Variants in UBE2R2 observed in about 807,000 individuals in gnomAD.
UBE2R2 encodes the protein ubiquitin conjugating enzyme E2 R2.
Under a neutral mutation model 27.8 loss-of-function variants are expected in UBE2R2, and 1 was observed. That is an observed-to-expected ratio of 0.04 (90% confidence interval 0.01 to 0.17). The LOEUF (loss-of-function observed/expected upper bound fraction) is 0.17. Ranked by LOEUF, UBE2R2 falls within the 10% of genes least tolerant of loss-of-function variation. The probability of loss-of-function intolerance (pLI) is 1.00; values close to 1 mark genes in which losing one functional copy is unlikely to be tolerated. For missense variants in UBE2R2, 100 were observed against 291.0 expected (o/e 0.34, Z 4.78); for synonymous variants, 106 against 113.3 (o/e 0.94, Z 0.41).
intron 1 of UBE2R2, among the ~76,000 whole-genome samples, chr9:33,853,961 G>T (rs1821035748): frequency 6.6e-6 from 1 of 152,106 alleles, no homozygotes; most frequent in Non-Finnish European, 1.5e-5. Flanking sequence ...CTCCCAAAGT[G>T]CTGGGATTAC....
At chr9:33,857,043 C>T (rs975601744) in intron 1 of UBE2R2, among the ~76,000 whole-genome samples, 1 of 151,044 alleles carries the variant, frequency 6.6e-6, no homozygotes, top group Non-Finnish European at 1.5e-5. Context: ...ATTACAGGCG[C>T]GTGCCACCAG....
At position 33,818,497 on chromosome 9, in the gene UBE2R2, G is replaced by C. The variant is rs1322822920; in HGVS notation, c.177+563G>C. On this transcript the variant is annotated intron_variant, in intron 1 of 4. Transcript: ENST00000263228. ...GTAGTGCCAACTTTGCATTCCAATG[G>C]GTGGTGGTGAAGAATGGGACCCTAG... The C allele has an allele frequency of 4.1e-5, 6 of 147,708 alleles. No homozygotes were observed. The South Asian group carries it at 1.3e-3, about 31-fold the overall frequency. 9.1% of individuals were successfully genotyped at this position (147,708 alleles called of 1,614,324 possible). A position where few individuals can be genotyped will look rare whatever the true frequency, so the allele number is the denominator to read the frequency against.
chr9:33,828,551 T>C (rs1401268054), intron 1 of UBE2R2, among the ~76,000 whole-genome samples: 1 of 151,250 alleles, frequency 6.6e-6, no homozygotes, highest in Admixed American at 6.6e-5. Flanking sequence ...ACCACCGGGC[T>C]AATTTTTGTT....
intron 1 of UBE2R2, among the ~76,000 whole-genome samples, chr9:33,861,847 CTTTTTTTTTT>C (rs775634986): frequency 1.4e-4 from 13 of 95,458 alleles, no homozygotes; most frequent in South Asian, 3.4e-4. Flanking sequence ...GATCCACTTT[CTTTTTTTTTT>C]TTTTTTTTTT....
intron 1 of UBE2R2, among the ~76,000 whole-genome samples, chr9:33,836,302 A>G (rs1463394894): frequency 6.6e-6 from 1 of 152,228 alleles, no homozygotes; most frequent in African/African-American, 2.4e-5. Flanking sequence ...CCATCTAGGT[A>G]CAAGTATACC....
intron 1 of UBE2R2, among the ~76,000 whole-genome samples, chr9:33,830,663 G>A (rs1384788838): frequency 6.6e-6 from 1 of 151,520 alleles, no homozygotes; most frequent in Non-Finnish European, 1.5e-5. Flanking sequence ...AGCCACTTGG[G>A]AGGCTGAGGC....
Position 33,859,799 on chromosome 9 carries a change from T to TGTGTGTGTGTGTGAGA in UBE2R2, c.178-27081_178-27080insTGTGTGTGTGTGAGAG, listed in dbSNP as rs766779268. Among the ~76,000 whole-genome samples, 6 of 86,520 alleles carry TGTGTGTGTGTGTGAGA rather than the reference T, an allele frequency of 6.9e-5. No individual in the cohort carries two copies. In the East Asian group the frequency reaches 9.4e-4, roughly 14 times the overall value. The allele number at this position is 86,520 out of a possible 152,430, so 56.8% of individuals were successfully genotyped here. A position where few individuals can be genotyped will look rare whatever the true frequency, so the allele number is the denominator to read the frequency against. The stretch of plus-strand genomic sequence containing the variant: ...GTGTGTGTGTGTGTGTGTGTGTGTG[T>TGTGTGTGTGTGTGAGA]GAGAGAGAGAGAGAGAGAGAGAGAC... On this transcript the variant is annotated intron_variant, in intron 1 of 4. Coordinates refer to ENST00000263228, the MANE Select transcript of UBE2R2 (RefSeq NM_017811.4).
chr9:33,856,215 C>T (rs1821097854), intron 1 of UBE2R2, among the ~76,000 whole-genome samples: 1 of 152,086 alleles, frequency 6.6e-6, no homozygotes, highest in South Asian at 2.1e-4. Flanking sequence ...CCCCACGTAG[C>T]CCTCCTACTC....
chr9:33,909,510 A>G (rs1822439941), intron 3 of UBE2R2, among the ~76,000 whole-genome samples: 1 of 152,138 alleles, frequency 6.6e-6, no homozygotes, highest in Admixed American at 6.6e-5. Flanking sequence ...TAAAAATTTA[A>G]AAGCACTGTT....
At chr9:33,892,133 T>C (rs751525036) in intron 2 of UBE2R2, among the ~76,000 whole-genome samples, 12 of 152,140 alleles carry the variant, frequency 7.9e-5, no homozygotes, top group Non-Finnish European at 1.5e-4. Flanking sequence ...CTATTTCCTT[T>C]CTGCTTTGCG....
intron 1 of UBE2R2, among the ~76,000 whole-genome samples, chr9:33,818,145 C>T (rs1383142905): frequency 3.5e-5 from 5 of 142,636 alleles, no homozygotes; most frequent in Non-Finnish European, 7.7e-5. Flanking sequence ...CGGGCGGGGG[C>T]GGGAGGGCAG....
intron 3 of UBE2R2, among the ~76,000 whole-genome samples, chr9:33,909,402 C>T (rs185893495): frequency 5.9e-5 from 9 of 152,250 alleles, no homozygotes; most frequent in East Asian, 3.9e-4. Flanking sequence ...GCAGGGAAAT[C>T]GCTTGAACCC....
chr9:33,838,629 C>T (rs1034763178), intron 1 of UBE2R2, among the ~76,000 whole-genome samples: 52 of 152,082 alleles, frequency 3.4e-4, no homozygotes, highest in Non-Finnish European at 4.9e-4. Context: ...ATTATGGATT[C>T]TTAATTTACT....
At chr9:33,845,846 A>G (rs185823802) in intron 1 of UBE2R2, among the ~76,000 whole-genome samples, 103 of 152,056 alleles carry the variant, frequency 6.8e-4, no homozygotes, top group Middle Eastern at 3.4e-3. Flanking sequence ...TGTCTCTACT[A>G]AAAATACAAA....
At position 33,910,316 on chromosome 9, in the gene UBE2R2, T is replaced by G. The variant is rs576469764; in HGVS notation, c.363-1648T>G. On this transcript the variant is annotated intron_variant, in intron 3 of 4. Coordinates refer to ENST00000263228, the MANE Select transcript of UBE2R2 (RefSeq NM_017811.4). ...GGCGCCTGCTACCACACCTGGCTAA[T>G]TTTTGTATTTTTAGTAGAGACGGGG... 4.1e-4 allele frequency among the ~76,000 whole-genome samples: 62 copies of G among 152,076 alleles called. 2 individuals carry two copies. The highest frequency in any genetic ancestry group is 1.4e-3 in the African/African-American group (57 of 41,470).
chr9:33,847,723 G>A (rs1820876967), intron 1 of UBE2R2, among the ~76,000 whole-genome samples: 1 of 147,104 alleles, frequency 6.8e-6, no homozygotes, highest in Non-Finnish European at 1.5e-5. Context: ...TGTTTTCTGT[G>A]CTTCAGTTTG....
At chr9:33,838,266 T>G (rs1348559000) in intron 1 of UBE2R2, among the ~76,000 whole-genome samples, 1 of 112,016 alleles carries the variant, frequency 8.9e-6, no homozygotes, top group Non-Finnish European at 2.0e-5. Context: ...TTTTTTACTG[T>G]TTTTTTTTTC....
chr9:33,865,579 G>A (rs1749278), intron 1 of UBE2R2, among the ~76,000 whole-genome samples: 6,060 of 152,152 alleles, frequency 0.04, 269 homozygotes, highest in African/African-American at 0.099. Flanking sequence ...GGAAGATGAG[G>A]ATTTCTCTCA....
At position 33,850,712 on chromosome 9, in the gene UBE2R2, A is replaced by G. The variant is rs569120316; in HGVS notation, c.177+32778A>G. On this transcript the variant is annotated intron_variant, in intron 1 of 4. Transcript: ENST00000263228. The stretch of plus-strand genomic sequence containing the variant: ...TTTTTACATTTAATTGTTTATTTAT[A>G]AAAATAGTTCACATATATAGTTTTA... Among the ~76,000 whole-genome samples the G allele has an allele frequency of 2.6e-5, 4 of 152,274 alleles. No individual in the cohort carries two copies. In the South Asian group the frequency reaches 6.2e-4, roughly 24 times the overall value.
Sources: allele counts gnomAD v4.1 joint callset (sites outside exome capture counted in the v4.1 genomes callset), GRCh38; gene constraint gnomAD v4.1.1; transcripts MANE v1.5; gene names NCBI Gene and HGNC (gene_info 2026-07-23, HGNC 2026-07-21).